Variants in DLG2 observed in about 807,000 individuals in gnomAD.
The protein encoded by DLG2 is discs large MAGUK scaffold protein 2.
A neutral mutation model predicts 132.5 loss-of-function variants in DLG2; 45 were observed. The ratio of observed to expected loss-of-function variants is 0.34; its 90% CI spans 0.27 to 0.44. The LOEUF is 0.44. Among genes scored for constraint, DLG2 ranks in the 20% least tolerant of loss-of-function variants. The pLI, the probability that DLG2 is intolerant of heterozygous loss-of-function variation, is 1.00. For missense variants in DLG2, 1,045 were observed against 1,196.9 expected, an observed-to-expected ratio of 0.87 and a Z score of 1.87; for synonymous variants, 424 against 419.6, an observed-to-expected ratio of 1.01 and a Z score of -0.13.
intron 7 of DLG2, among the ~76,000 whole-genome samples, chr11:84,486,303 C>G (rs1488046201): frequency 6.6e-6 from 1 of 152,098 alleles, no homozygotes; most frequent in Non-Finnish European, 1.5e-5. Context: ...TCCATAAGTT[C>G]ATCTGTCCCA....
chr11:84,051,764 AAAGTAT>A (rs1201813471), intron 11 of DLG2, among the ~76,000 whole-genome samples: 1 of 151,900 alleles, frequency 6.6e-6, no homozygotes, highest in African/African-American at 2.4e-5. Flanking sequence ...CCTAAAACTT[AAAGTAT>A]AATATAAAAA....
chr11:85,130,408 TAGGAGGAGCCA>T (rs2075587647), intron 5 of DLG2, among the ~76,000 whole-genome samples: 2 of 152,040 alleles, frequency 1.3e-5, no homozygotes, highest in Non-Finnish European at 2.9e-5. Flanking sequence ...CACAGAGGTC[TAGGAGGAGCCA>T]AGGGGACAGT....
In DLG2 at chr11:83,701,282, A is replaced by G. The variant is rs117299979; in HGVS notation, c.1826-67957T>C. 5.3e-4 allele frequency among the ~76,000 whole-genome samples: 80 copies of G among 152,292 alleles called. No homozygotes were observed. In the East Asian group the frequency reaches 0.013, roughly 25 times the overall value. On this transcript the variant is annotated intron_variant, in intron 18 of 27. Coordinates refer to ENST00000376104, the MANE Select transcript of DLG2 (RefSeq NM_001142699.3). ...TTTGCTGAACTTCAATTTCCCATCAATAAAATTAGGATAAATATAATCCCT... is the reference window on the plus strand; with the variant it reads ...TTTGCTGAACTTCAATTTCCCATCAGTAAAATTAGGATAAATATAATCCCT...
chr11:83,893,634 G>A lies in DLG2; in HGVS notation c.1497-19146C>T, dbSNP rs774500434. Among the ~76,000 whole-genome samples the A allele has an allele frequency of 4.6e-5, 7 of 152,152 alleles. No individual in the cohort carries two copies. The East Asian group carries it at 1.4e-3, about 29-fold the overall frequency. ...TTTCTCCATATCACTGATTACTCACGGAAATTATCTGTTTATTGGTTCAAT... is the reference window on the plus strand; with the variant it reads ...TTTCTCCATATCACTGATTACTCACAGAAATTATCTGTTTATTGGTTCAAT... On this transcript the variant is annotated intron_variant, in intron 15 of 27. Transcript: ENST00000376104.
At chr11:84,068,593 CATT>C (rs1291524805) in intron 10 of DLG2, among the ~76,000 whole-genome samples, 1 of 152,046 alleles carries the variant, frequency 6.6e-6, no homozygotes, top group Non-Finnish European at 1.5e-5. Flanking sequence ...TTCAGATAAA[CATT>C]AGTAATTATT....
At chr11:84,349,565 T>C (rs939004168) in intron 7 of DLG2, among the ~76,000 whole-genome samples, 4 of 152,212 alleles carry the variant, frequency 2.6e-5, no homozygotes, top group Non-Finnish European at 5.9e-5. Flanking sequence ...GATGTGAAAC[T>C]TCTATGCTTT....
intron 4 of DLG2, among the ~76,000 whole-genome samples, chr11:85,205,023 A>C (rs1342362598): frequency 6.6e-6 from 1 of 152,102 alleles, no homozygotes; most frequent in East Asian, 1.9e-4. Context: ...CTTTACACCA[A>C]AAGTCAACTC....
chr11:83,976,794 C>T (rs542000348), intron 12 of DLG2, among the ~76,000 whole-genome samples: 1 of 151,936 alleles, frequency 6.6e-6, no homozygotes, highest in Admixed American at 6.6e-5. Context: ...TATGTCACAG[C>T]TATTTTCGAA....
At chr11:83,912,404 G>A (rs111279138) in intron 15 of DLG2, among the ~76,000 whole-genome samples, 4,012 of 152,122 alleles carry the variant, frequency 0.026, 182 homozygotes, top group African/African-American at 0.089. Flanking sequence ...AAACTAATCA[G>A]ATGTTCAAAC....
At chr11:84,525,189 G>A (rs2099316589) in intron 7 of DLG2, among the ~76,000 whole-genome samples, 1 of 152,030 alleles carries the variant, frequency 6.6e-6, no homozygotes, top group Admixed American at 6.6e-5. Context: ...CAACTACACT[G>A]AAAACGTCAA....
intron 6 of DLG2, among the ~76,000 whole-genome samples, chr11:84,618,075 G>A (rs17147448): frequency 0.26 from 40,064 of 151,858 alleles, 5,964 homozygotes; most frequent in African/African-American, 0.4. Flanking sequence ...ATCCTGGTAG[G>A]TAAATAGTAA....
intron 15 of DLG2, among the ~76,000 whole-genome samples, chr11:83,916,469 G>T (rs1287596775): frequency 6.6e-6 from 1 of 151,770 alleles, no homozygotes; most frequent in African/African-American, 2.4e-5. Flanking sequence ...GATCATGACA[G>T]TATGCCTGGC....
chr11:84,455,642 TAGAA>T (rs1202389618), intron 7 of DLG2, among the ~76,000 whole-genome samples: 5 of 151,162 alleles, frequency 3.3e-5, no homozygotes, highest in African/African-American at 7.3e-5. Context: ...TAAAAAAAAA[TAGAA>T]AGAAAGTATC....
intron 7 of DLG2, among the ~76,000 whole-genome samples, chr11:84,280,867 A>ATTTTTTT (rs35970331): frequency 1.9e-4 from 13 of 67,700 alleles, no homozygotes; most frequent in Non-Finnish European, 2.9e-4. Flanking sequence ...TGCCCAGCCA[A>ATTTTTTT]TTTTTTTTTT....
intron 7 of DLG2, among the ~76,000 whole-genome samples, chr11:84,459,045 G>A (rs1261659772): frequency 6.6e-6 from 1 of 150,578 alleles, no homozygotes; most frequent in Non-Finnish European, 1.5e-5. Context: ...GTCAGAGTTT[G>A]AACTCCAGCA....
At chr11:85,362,592 G>A (rs536208911) in intron 3 of DLG2, among the ~76,000 whole-genome samples, 2 of 151,564 alleles carry the variant, frequency 1.3e-5, no homozygotes, top group East Asian at 3.9e-4. Context: ...TTTCCAATTT[G>A]GATGCCTTTT....
chr11:83,873,989 A>G (rs940355864), intron 16 of DLG2, among the ~76,000 whole-genome samples: 2 of 152,156 alleles, frequency 1.3e-5, no homozygotes, highest in African/African-American at 2.4e-5. Context: ...AGCCCTCTGG[A>G]GGGCAAGAAG....
chr11:83,953,538 T>A (rs1460380199), intron 14 of DLG2, among the ~76,000 whole-genome samples: 1 of 152,164 alleles, frequency 6.6e-6, no homozygotes, highest in Non-Finnish European at 1.5e-5. Flanking sequence ...TTATCTTCCA[T>A]GAAAGTGGTC....
chr11:85,094,328 G>T (rs1391928035), intron 6 of DLG2, among the ~76,000 whole-genome samples: 1 of 152,174 alleles, frequency 6.6e-6, no homozygotes, highest in Non-Finnish European at 1.5e-5. Flanking sequence ...AAGTGACCAG[G>T]TCCATAAGTT....
Sources: allele counts gnomAD v4.1 joint callset (sites outside exome capture counted in the v4.1 genomes callset), GRCh38; gene constraint gnomAD v4.1.1; transcripts MANE v1.5; gene names NCBI Gene and HGNC (gene_info 2026-07-23, HGNC 2026-07-21).